The following NR1H4 variants were observed in gnomAD, a reference collection of about 807,000 sequenced individuals.
NR1H4 encodes bile acid receptor.
In NR1H4, 23 loss-of-function variants were observed where a neutral mutation model predicts 58.5. That is an observed-to-expected ratio of 0.39 (90% CI 0.28 to 0.56). The LOEUF (loss-of-function observed/expected upper bound fraction) is 0.56, where lower values mean the gene tolerates loss of function less well. Among genes scored for constraint, NR1H4 ranks in the 20% least tolerant of loss-of-function variants. The pLI, the probability that NR1H4 is intolerant of heterozygous loss-of-function variation, is 0.58. For synonymous variants in NR1H4, 214 were observed against 198.0 expected (o/e 1.08, Z -0.68); for missense variants, 487 against 576.9 (o/e 0.84, Z 1.60).
At chr12:100,491,644 T>G (rs1427081578) in intron 1 of NR1H4, among the ~76,000 whole-genome samples, 8 of 151,836 alleles carry the variant, frequency 5.3e-5, no homozygotes, top group Admixed American at 5.3e-4. Flanking sequence ...ACCAAGCCGC[T>G]TATATTAATG....
intron 3 of NR1H4, chr12:100,503,537 C>CT: frequency 6.6e-7 from 1 of 1,523,548 alleles, no homozygotes; most frequent in African/African-American, 1.4e-5. Context: ...CGAGCTCTTG[C>CT]AACTGGACTG....
chr12:100,536,173 C>T (rs1954807545), intron 6 of NR1H4, among the ~76,000 whole-genome samples: 1 of 152,076 alleles, frequency 6.6e-6, no homozygotes, highest in South Asian at 2.1e-4. Context: ...GAAAACCTTT[C>T]ATTAGTTATA....
chr12:100,506,697 G>A (rs1451677992), intron 3 of NR1H4, among the ~76,000 whole-genome samples: 2 of 152,062 alleles, frequency 1.3e-5, no homozygotes, highest in South Asian at 2.1e-4. Context: ...TAGTAGAGAC[G>A]GGGTTTCACC....
At chr12:100,533,395 G>C (rs2136230299) in intron 5 of NR1H4, among the ~76,000 whole-genome samples, 1 of 152,312 alleles carries the variant, frequency 6.6e-6, no homozygotes, top group East Asian at 1.9e-4. Flanking sequence ...CCTTCAGAAG[G>C]TGACTCCAGT....
chr12:100,475,124 C>CCTATCTAT (rs10629376), intron 1 of NR1H4, among the ~76,000 whole-genome samples: 26,248 of 142,986 alleles, frequency 0.18, 2,718 homozygotes, highest in South Asian at 0.24. Flanking sequence ...AAGTGGTTTA[C>CCTATCTAT]CTATCTATCT....
At chr12:100,524,040 G>A (rs1262189342) in intron 4 of NR1H4, among the ~76,000 whole-genome samples, 2 of 152,126 alleles carry the variant, frequency 1.3e-5, no homozygotes, top group Non-Finnish European at 2.9e-5. Flanking sequence ...ATGATTTCCA[G>A]GGAATATGAA....
chr12:100,489,046 C>T (rs1953552858), intron 1 of NR1H4, among the ~76,000 whole-genome samples: 2 of 152,112 alleles, frequency 1.3e-5, no homozygotes, highest in East Asian at 3.9e-4. Context: ...GTTCCTTCCC[C>T]AAAATGAAAG....
intron 8 of NR1H4, among the ~76,000 whole-genome samples, chr12:100,537,938 T>C (rs1023035783): frequency 1.3e-5 from 2 of 152,182 alleles, no homozygotes; most frequent in African/African-American, 4.8e-5. Flanking sequence ...GAATTCAAAC[T>C]CCTGACCTCA....
intron 3 of NR1H4, chr12:100,505,504 A>G: frequency 1.5e-6 from 1 of 669,918 alleles, no homozygotes; most frequent in Non-Finnish European, 2.7e-6. Context: ...GCTCCCTCAG[A>G]TGGCACTCCT....
At chr12:100,493,130 C>T (rs1349848838) in intron 2 of NR1H4, 140 bp from the exon 3 acceptor site, 6 of 578,032 alleles carry the variant, frequency 1.0e-5, no homozygotes, top group African/African-American at 1.9e-5. Flanking sequence ...AGAAAAGATA[C>T]ATACAGAAAG....
At chr12:100,532,636 C>G (rs775387449) in intron 5 of NR1H4, 26 bp downstream of exon 5, 2 of 1,608,012 alleles carry the variant, frequency 1.2e-6, no homozygotes, top group East Asian at 4.5e-5. Context: ...AATTACATTT[C>G]ACTAAAAATC....
At chr12:100,500,269 GT>G (rs1283759696) in intron 3 of NR1H4, among the ~76,000 whole-genome samples, 1 of 152,060 alleles carries the variant, frequency 6.6e-6, no homozygotes, top group African/African-American at 2.4e-5. Context: ...CTGAAGGATA[GT>G]TCTCAGAAAA....
At chr12:100,529,313 T>TGGTAGCCTCTCAGTTGTA (rs1954636126) in intron 4 of NR1H4, among the ~76,000 whole-genome samples, 1 of 152,208 alleles carries the variant, frequency 6.6e-6, no homozygotes, top group Admixed American at 6.5e-5. Flanking sequence ...GTTCAGGCAT[T>TGGTAGCCTCTCAGTTGTA]GGTAGCCTCT....
chr12:100,555,750 A>G (rs936949884), intron 9 of NR1H4, among the ~76,000 whole-genome samples: 1 of 152,186 alleles, frequency 6.6e-6, no homozygotes, highest in Non-Finnish European at 1.5e-5. Context: ...AGTCTTAAAA[A>G]ATTTAAGTAA....
At chr12:100,500,858 C>T (rs113406615) in intron 3 of NR1H4, among the ~76,000 whole-genome samples, 4,709 of 152,242 alleles carry the variant, frequency 0.031, 160 homozygotes, top group East Asian at 0.15. Context: ...GTCAATTAAA[C>T]CTTTTTTCTT....
chr12:100,493,889 T>C (rs1160961476), intron 3 of NR1H4, among the ~76,000 whole-genome samples: 4 of 152,102 alleles, frequency 2.6e-5, no homozygotes, highest in Admixed American at 2.6e-4. Flanking sequence ...GAGGACAAAT[T>C]GTACTAAGCA....
chr12:100,543,612 A>G (rs1333343552), intron 9 of NR1H4, among the ~76,000 whole-genome samples: 3 of 151,640 alleles, frequency 2.0e-5, no homozygotes, highest in Admixed American at 6.6e-5. Flanking sequence ...AAAATGTTGA[A>G]TCAGGTAACC....
At chr12:100,476,108 A>G (rs1014846837) in intron 1 of NR1H4, among the ~76,000 whole-genome samples, 1 of 152,170 alleles carries the variant, frequency 6.6e-6, no homozygotes, top group African/African-American at 2.4e-5. Context: ...GTCCACAGGC[A>G]GATAGTTAGG....
In NR1H4 at chr12:100,523,010, T is replaced by C. The variant is rs538452537; in HGVS notation, c.446-9448T>C. ...TTTGCAATTGTGAATTGGGTTGCAATAAACATACATATGCATGTGTCTTTT... is the reference window on the plus strand; with the variant it reads ...TTTGCAATTGTGAATTGGGTTGCAACAAACATACATATGCATGTGTCTTTT... On this transcript the variant is annotated intron_variant, in intron 4 of 10. Coordinates refer to ENST00000392986, the MANE Select transcript of NR1H4 (RefSeq NM_001206979.2). Among the ~76,000 whole-genome samples the C allele has an allele frequency of 2.0e-5, 3 of 152,332 alleles. No individual in the cohort carries two copies. In the South Asian group the frequency reaches 6.2e-4, roughly 32 times the overall value.
Sources: gnomAD v4.1 joint callset for allele counts (sites outside exome capture counted in the v4.1 genomes callset) on GRCh38, gnomAD v4.1.1 for gene constraint, MANE v1.5 for transcripts, NCBI Gene and HGNC (gene_info 2026-07-23, HGNC 2026-07-21) for gene names.